ADAM9: variants seen among roughly 807,000 people sequenced by gnomAD.
The protein encoded by ADAM9 is disintegrin and metalloproteinase domain-containing protein 9.
In ADAM9, 54 loss-of-function variants were observed where a neutral mutation model predicts 108.1. That is an observed-to-expected ratio of 0.50 (90% confidence interval 0.40 to 0.63). ADAM9 has a LOEUF of 0.63. Ranked by LOEUF, ADAM9 falls within the 20% of genes least tolerant of loss-of-function variation. The probability of loss-of-function intolerance (pLI) is 0.00; values close to 1 mark genes in which losing one functional copy is unlikely to be tolerated. For missense variants in ADAM9, 830 were observed against 997.7 expected, an observed-to-expected ratio of 0.83 and a Z score of 2.26; for synonymous variants, 316 against 336.0, an observed-to-expected ratio of 0.94 and a Z score of 0.65.
intron 18 of ADAM9, among the ~76,000 whole-genome samples, chr8:39,084,333 C>T (rs1371009689): frequency 3.6e-5 from 5 of 140,216 alleles, no homozygotes; most frequent in African/African-American, 5.2e-5. Context: ...ATGAGGTCAT[C>T]TTTTTTTTTT....
intron 1 of ADAM9, among the ~76,000 whole-genome samples, chr8:38,999,021 A>C (rs1835917028): frequency 6.6e-6 from 1 of 152,144 alleles, no homozygotes; most frequent in African/African-American, 2.4e-5. Flanking sequence ...TGGAGGATAG[A>C]ATCTAGGAGG....
At chr8:39,016,914 C>A in intron 5 of ADAM9, 1 of 375,498 alleles carries the variant, frequency 2.7e-6, no homozygotes, top group Non-Finnish European at 5.0e-6. Context: ...ATTTGGAATT[C>A]AGACTCTTGT....
chr8:39,045,072 ATGTGTGTG>A (rs1160559853), intron 12 of ADAM9, among the ~76,000 whole-genome samples: 6,186 of 33,954 alleles, frequency 0.18, 1,175 homozygotes, highest in African/African-American at 0.36. Flanking sequence ...ATACATACAT[ATGTGTGTG>A]TGCATACATA....
chr8:39,079,053 C>A (rs956071985), intron 16 of ADAM9, among the ~76,000 whole-genome samples: 2 of 152,130 alleles, frequency 1.3e-5, no homozygotes, highest in Non-Finnish European at 2.9e-5. Flanking sequence ...AATTGGAGAT[C>A]AAAGGATCAT....
chr8:39,051,287 G>A (rs781747557), intron 12 of ADAM9, among the ~76,000 whole-genome samples: 3 of 152,234 alleles, frequency 2.0e-5, no homozygotes, highest in South Asian at 4.2e-4. Flanking sequence ...CTTATATGAC[G>A]CGTCATGAGT....
intron 2 of ADAM9, among the ~76,000 whole-genome samples, chr8:39,010,936 T>G (rs28690874): frequency 6.6e-6 from 1 of 151,518 alleles, no homozygotes; most frequent in Non-Finnish European, 1.5e-5. Flanking sequence ...CTACTAAAAA[T>G]GCAAAAATTA....
intron 14 of ADAM9, among the ~76,000 whole-genome samples, chr8:39,071,074 GCTAA>G (rs2129441316): frequency 6.6e-6 from 1 of 152,118 alleles, no homozygotes; most frequent in South Asian, 2.1e-4. Flanking sequence ...TTGAATTCAG[GCTAA>G]CTTTTAAGTA....
chr8:39,067,986 G>T (rs1485160305), intron 14 of ADAM9, among the ~76,000 whole-genome samples: 1 of 152,170 alleles, frequency 6.6e-6, no homozygotes, highest in Non-Finnish European at 1.5e-5. Context: ...GGCCTTTTCT[G>T]CATCTGTTGA....
At chr8:39,077,818 G>T (rs556921907) in intron 16 of ADAM9, among the ~76,000 whole-genome samples, 2 of 152,210 alleles carry the variant, frequency 1.3e-5, no homozygotes, top group East Asian at 1.9e-4. Context: ...GAAGGCCAGA[G>T]TCAGTCAGCC....
At chr8:39,098,734 TTGG>T (rs1180147147) in intron 20 of ADAM9, among the ~76,000 whole-genome samples, 1 of 152,226 alleles carries the variant, frequency 6.6e-6, no homozygotes, top group Non-Finnish European at 1.5e-5. Flanking sequence ...ATGTATGCCC[TTGG>T]TGGGTTCTCA....
At chr8:39,039,699 T>C (rs1382514511) in intron 11 of ADAM9, among the ~76,000 whole-genome samples, 1 of 152,220 alleles carries the variant, frequency 6.6e-6, no homozygotes, top group Non-Finnish European at 1.5e-5. Flanking sequence ...TCCAGGTTCC[T>C]CCATGTTGTG....
chr8:39,075,235 G>C (rs1205549148), intron 15 of ADAM9, among the ~76,000 whole-genome samples: 1 of 152,064 alleles, frequency 6.6e-6, no homozygotes, highest in Non-Finnish European at 1.5e-5. Flanking sequence ...TTGAATTCAG[G>C]TTAAATATTT....
At chr8:39,080,725 G>A (rs73602792) in intron 16 of ADAM9, among the ~76,000 whole-genome samples, 273 of 152,196 alleles carry the variant, frequency 1.8e-3, no homozygotes, top group African/African-American at 6.2e-3. Context: ...CAAGCTAAAC[G>A]TGGGGTAGGG....
intron 6 of ADAM9, chr8:39,018,619 C>T (rs1836626814): frequency 5.6e-6 from 3 of 539,086 alleles, no homozygotes; most frequent in South Asian, 4.7e-5. Flanking sequence ...TTTTTTTCCC[C>T]TCAGACATAG....
intron 13 of ADAM9, 91 bp from the exon 14 acceptor site, chr8:39,055,486 C>A: frequency 7.7e-7 from 1 of 1,305,378 alleles, no homozygotes; most frequent in Non-Finnish European, 1.1e-6. Context: ...TGTTAGAATG[C>A]TTTATAGATG....
At chr8:39,044,554 A>G (rs1240435023) in intron 12 of ADAM9, among the ~76,000 whole-genome samples, 2 of 151,180 alleles carry the variant, frequency 1.3e-5, no homozygotes, top group Non-Finnish European at 3.0e-5. Context: ...TACCCAAACA[A>G]TGAACATTGT....
chr8:39,051,946 A>C (rs1311859281), intron 12 of ADAM9, among the ~76,000 whole-genome samples: 1 of 152,106 alleles, frequency 6.6e-6, no homozygotes, highest in Non-Finnish European at 1.5e-5. Context: ...TACACACCTC[A>C]TGTGTATATA....
chr8:39,099,769 A>G (rs1410249279), intron 20 of ADAM9, among the ~76,000 whole-genome samples: 1 of 152,182 alleles, frequency 6.6e-6, no homozygotes, highest in East Asian at 1.9e-4. Context: ...AAATCAAGCT[A>G]ATTAACATAT....
chr8:39,052,727 T>G (rs937773297), intron 12 of ADAM9, among the ~76,000 whole-genome samples: 1 of 152,180 alleles, frequency 6.6e-6, no homozygotes, highest in African/African-American at 2.4e-5. Flanking sequence ...CTATATACAT[T>G]ATCTATTTCC....
Sources: gnomAD v4.1 joint callset for allele counts (sites outside exome capture counted in the v4.1 genomes callset) on GRCh38, gnomAD v4.1.1 for gene constraint, MANE v1.5 for transcripts, NCBI Gene and HGNC (gene_info 2026-07-23, HGNC 2026-07-21) for gene names.